GRM7: variants seen among roughly 807,000 people sequenced by gnomAD.
GRM7 encodes metabotropic glutamate receptor 7.
In GRM7, 35 loss-of-function variants were observed where a neutral mutation model predicts 84.5. That is an observed-to-expected ratio of 0.41 (90% CI 0.32 to 0.55). GRM7 has a LOEUF of 0.55. GRM7 is among the 20% of genes least tolerant of loss of function. The pLI, the probability that GRM7 is intolerant of heterozygous loss-of-function variation, is 0.19. For missense variants in GRM7, 1,003 were observed against 1,194.6 expected (o/e 0.84, Z 2.36); for synonymous variants, 487 against 455.1 (o/e 1.07, Z -0.89).
At chr3:7,006,558 A>G (rs1695187898) in intron 1 of GRM7, among the ~76,000 whole-genome samples, 1 of 152,182 alleles carries the variant, frequency 6.6e-6, no homozygotes, top group African/African-American at 2.4e-5. Context: ...CATAGTAATA[A>G]TATAAGTCTT....
intron 1 of GRM7, among the ~76,000 whole-genome samples, chr3:7,095,592 C>T (rs1401186016): frequency 6.6e-6 from 1 of 152,058 alleles, no homozygotes; most frequent in Non-Finnish European, 1.5e-5. Context: ...TCAATGTTTT[C>T]TATTATATCA....
intron 2 of GRM7, among the ~76,000 whole-genome samples, chr3:7,230,422 A>T (rs1697155870): frequency 1.3e-5 from 2 of 152,130 alleles, no homozygotes; most frequent in African/African-American, 2.4e-5. Context: ...GCAGATTGCT[A>T]TTGAGTAGTA....
chr3:7,305,988 C>A (rs186268814), intron 3 of GRM7, among the ~76,000 whole-genome samples: 26 of 152,274 alleles, frequency 1.7e-4, no homozygotes, highest in Admixed American at 1.2e-3. Flanking sequence ...CAATCATACA[C>A]AAGTTATAAA....
At chr3:7,271,441 C>G (rs1047441124) in intron 2 of GRM7, among the ~76,000 whole-genome samples, 1 of 151,704 alleles carries the variant, frequency 6.6e-6, no homozygotes, top group Non-Finnish European at 1.5e-5. Context: ...CGCCTGTAGT[C>G]CCAGCTACTC....
intron 1 of GRM7, among the ~76,000 whole-genome samples, chr3:6,961,703 C>T (rs992827862): frequency 6.6e-6 from 1 of 152,132 alleles, no homozygotes; most frequent in Non-Finnish European, 1.5e-5. Context: ...AATCTACTGG[C>T]CCAGCTGCAT....
chr3:7,587,382 T>C (rs1431087784), intron 8 of GRM7, among the ~76,000 whole-genome samples: 1 of 152,202 alleles, frequency 6.6e-6, no homozygotes, highest in Non-Finnish European at 1.5e-5. Context: ...TTTATTCTTC[T>C]ACCCTAGGTT....
At chr3:7,492,312 T>TC (rs1482286507) in intron 7 of GRM7, among the ~76,000 whole-genome samples, 1 of 152,172 alleles carries the variant, frequency 6.6e-6, no homozygotes, top group African/African-American at 2.4e-5. Context: ...TGGTAGAATT[T>TC]CCCCATGAAG....
At chr3:7,061,091 A>G (rs1373305405) in intron 1 of GRM7, among the ~76,000 whole-genome samples, 1 of 151,746 alleles carries the variant, frequency 6.6e-6, no homozygotes, top group Non-Finnish European at 1.5e-5. Context: ...AAAACTATTA[A>G]GATTTATATG....
At chr3:7,035,023 C>T (rs1372128846) in intron 1 of GRM7, among the ~76,000 whole-genome samples, 1 of 151,948 alleles carries the variant, frequency 6.6e-6, no homozygotes, top group Non-Finnish European at 1.5e-5. Flanking sequence ...CTTGGGGAGG[C>T]CTGTGGATAT....
chr3:7,307,023 T>A (rs1700218542), intron 4 of GRM7, among the ~76,000 whole-genome samples: 1 of 152,132 alleles, frequency 6.6e-6, no homozygotes, highest in Admixed American at 6.6e-5. Context: ...GCATCCATTA[T>A]TTCCTTATTA....
chr3:7,545,877 A>C (rs548678825), intron 7 of GRM7, among the ~76,000 whole-genome samples: 1 of 152,268 alleles, frequency 6.6e-6, no homozygotes, highest in South Asian at 2.1e-4. Flanking sequence ...TGAGGCCAAC[A>C]AACTTAACCT....
intron 5 of GRM7, among the ~76,000 whole-genome samples, chr3:7,441,328 A>C (rs1027165038): frequency 6.6e-6 from 1 of 151,962 alleles, no homozygotes; most frequent in Non-Finnish European, 1.5e-5. Flanking sequence ...CCCACTTTTT[A>C]ATAAGATTAT....
At chr3:7,016,961 C>T (rs1375192435) in intron 1 of GRM7, among the ~76,000 whole-genome samples, 2 of 152,150 alleles carry the variant, frequency 1.3e-5, no homozygotes, top group East Asian at 1.9e-4. Flanking sequence ...GCATGAGCAT[C>T]ACCTTGGAGC....
chr3:7,583,443 T>A lies in GRM7; in HGVS notation c.2451+4086T>A, dbSNP rs763776570. On this transcript the variant is annotated intron_variant, in intron 8 of 9. Transcript: ENST00000357716. ...CATCACTAATCAATTATGACACACT[T>A]CCTCTGTACTCTGGTATAGTCTTGA... Among the ~76,000 whole-genome samples, 87 of 152,294 alleles carry A rather than the reference T, an allele frequency of 5.7e-4. 1 individual carries two copies. Among genetic ancestry groups the A allele is most frequent in the East Asian group, 1.7e-3 (9 of 5,184 alleles).
At chr3:7,291,475 GAA>G (rs1230401354) in intron 2 of GRM7, among the ~76,000 whole-genome samples, 1 of 133,508 alleles carries the variant, frequency 7.5e-6, no homozygotes, top group Non-Finnish European at 1.6e-5. Context: ...AGGGTTAGAG[GAA>G]AAGTCATGCC....
At chr3:6,865,409 C>T (rs1375623532) in intron 1 of GRM7, among the ~76,000 whole-genome samples, 1 of 152,106 alleles carries the variant, frequency 6.6e-6, no homozygotes, top group East Asian at 1.9e-4. Context: ...AAACCCTCTC[C>T]ATTATTGACT....
chr3:7,530,279 T>C (rs755933173), intron 7 of GRM7, among the ~76,000 whole-genome samples: 2 of 152,144 alleles, frequency 1.3e-5, no homozygotes, highest in Admixed American at 1.3e-4. Flanking sequence ...AACTTATCCT[T>C]TTTATGGCTG....
At chr3:7,427,297 ATCT>A (rs1696649622) in intron 5 of GRM7, among the ~76,000 whole-genome samples, 1 of 152,158 alleles carries the variant, frequency 6.6e-6, no homozygotes, top group Non-Finnish European at 1.5e-5. Flanking sequence ...CTTTGACCAC[ATCT>A]TCTCTGCATT....
chr3:7,100,141 A>C (rs1263602685), intron 1 of GRM7, among the ~76,000 whole-genome samples: 2 of 151,440 alleles, frequency 1.3e-5, no homozygotes, highest in Non-Finnish European at 3.0e-5. Context: ...GTGCAATAGA[A>C]AAATGGCACA....
Sources: allele counts gnomAD v4.1 joint callset (sites outside exome capture counted in the v4.1 genomes callset), GRCh38; gene constraint gnomAD v4.1.1; transcripts MANE v1.5; gene names NCBI Gene and HGNC (gene_info 2026-07-23, HGNC 2026-07-21).